Variants in WBP1L observed in about 807,000 individuals in gnomAD.
The protein encoded by WBP1L is WW domain binding protein 1 like.
WBP1L carries 17 observed loss-of-function variants against 33.7 expected under a neutral mutation model. The ratio of observed to expected loss-of-function variants is 0.50; its 90% CI spans 0.34 to 0.76. The LOEUF is 0.76. Ranked by LOEUF, WBP1L falls within the 30% of genes least tolerant of loss-of-function variation. The pLI, the probability that WBP1L is intolerant of heterozygous loss-of-function variation, is 0.01. For missense variants in WBP1L, 389 were observed against 469.4 expected (o/e 0.83, Z 1.58); for synonymous variants, 173 against 190.8 (o/e 0.91, Z 0.77).
At chr10:102,799,548 T>TG (rs1259847973) in intron 2 of WBP1L, among the ~76,000 whole-genome samples, 1 of 152,048 alleles carries the variant, frequency 6.6e-6, no homozygotes, top group East Asian at 1.9e-4. Flanking sequence ...GAGAGGGTGT[T>TG]GGGGGGGTGG....
intron 1 of WBP1L, among the ~76,000 whole-genome samples, chr10:102,754,715 G>T (rs987760462): frequency 6.6e-6 from 1 of 151,392 alleles, no homozygotes; most frequent in Non-Finnish European, 1.5e-5. Context: ...TTTTGTTTTT[G>T]TTTTTTAGCG....
In WBP1L at chr10:102,815,828, C is replaced by T. The variant is rs1290830906; in HGVS notation, c.*2497C>T. On this transcript the variant is annotated 3_prime_UTR_variant, in exon 4 of 4. Transcript: ENST00000448841. ...CTGGGCAAGTGTTAACTGTGGGACT[C>T]ACTGCAGCGTCCTATCCTAAAGGCA... 6.6e-6 allele frequency: 1 copy of T among 152,296 alleles called. No individual in the cohort carries two copies. The highest frequency in any genetic ancestry group is 1.5e-5 in the Non-Finnish European group (1 of 68,032). 9.4% of individuals were successfully genotyped at this position (152,296 alleles called of 1,614,324 possible).
chr10:102,745,616 T>C (rs1256850912), intron 1 of WBP1L, among the ~76,000 whole-genome samples: 2 of 152,230 alleles, frequency 1.3e-5, no homozygotes, highest in Non-Finnish European at 2.9e-5. Context: ...CCCATCCACA[T>C]CGTAGCATGT....
At chr10:102,795,032 T>C (rs1218580705) in intron 1 of WBP1L, among the ~76,000 whole-genome samples, 1 of 152,214 alleles carries the variant, frequency 6.6e-6, no homozygotes, top group Non-Finnish European at 1.5e-5. Flanking sequence ...GGACTAGATA[T>C]ATAGATGGCC....
chr10:102,803,607 CT>C (rs11288742), intron 2 of WBP1L, among the ~76,000 whole-genome samples: 106,909 of 134,702 alleles, frequency 0.79, 42,692 homozygotes, highest in Middle Eastern at 0.9. Flanking sequence ...TTGGGTTTTC[CT>C]TTTTTTTTTT....
chr10:102,769,838 G>A (rs537678473), intron 1 of WBP1L, among the ~76,000 whole-genome samples: 3 of 152,102 alleles, frequency 2.0e-5, no homozygotes, highest in African/African-American at 4.8e-5. Context: ...GTTAAGAACC[G>A]TTTACCTAAC....
chr10:102,772,592 CAG>C (rs1282118912), intron 1 of WBP1L, among the ~76,000 whole-genome samples: 1 of 68,380 alleles, frequency 1.5e-5, no homozygotes, highest in African/African-American at 6.0e-5. Context: ...TTTTTTGAGA[CAG>C]AGTCTCGTTC....
chr10:102,752,348 G>A (rs150179379), intron 1 of WBP1L, among the ~76,000 whole-genome samples: 1 of 152,286 alleles, frequency 6.6e-6, no homozygotes, highest in Non-Finnish European at 1.5e-5. Context: ...GCATTGTGAA[G>A]TGTATGAAAT....
intron 1 of WBP1L, among the ~76,000 whole-genome samples, chr10:102,782,974 G>T (rs909618447): frequency 6.6e-6 from 1 of 152,154 alleles, no homozygotes; most frequent in African/African-American, 2.4e-5. Context: ...CAACTGTGAT[G>T]CACGGTCTCG....
Position 102,782,542 on chromosome 10 carries a change from TTCTTACC to T in WBP1L, c.91-15446_91-15440del, listed in dbSNP as rs1428616680. Among the ~76,000 whole-genome samples, 7 of 152,256 alleles carry T rather than the reference TTCTTACC, an allele frequency of 4.6e-5. No homozygotes were observed. In the South Asian group the frequency reaches 1.0e-3, roughly 23 times the overall value. On this transcript the variant is annotated intron_variant, in intron 1 of 3. Transcript: ENST00000448841. Reference sequence around the variant, plus strand: ...TCCTTAGCACTAGTAAGATACTAGTTTCTTACCTCTTCCTCTCTAGGGCTTCTTGACT... The same window carrying T: ...TCCTTAGCACTAGTAAGATACTAGTTTCTTCCTCTCTAGGGCTTCTTGACT...
intron 1 of WBP1L, among the ~76,000 whole-genome samples, chr10:102,777,561 C>CT (rs35713577): frequency 0.34 from 18,927 of 55,564 alleles, 6,459 homozygotes; most frequent in East Asian, 0.65. Context: ...AAAGGCTGTC[C>CT]TTTTTTTTTT....
chr10:102,751,457 G>A (rs939411843), intron 1 of WBP1L, among the ~76,000 whole-genome samples: 10 of 151,358 alleles, frequency 6.6e-5, no homozygotes, highest in African/African-American at 1.9e-4. Context: ...CTACAGGTGC[G>A]CACCCACACC....
intron 1 of WBP1L, among the ~76,000 whole-genome samples, chr10:102,786,751 C>A (rs1230059251): frequency 1.3e-5 from 2 of 152,198 alleles, no homozygotes; most frequent in Non-Finnish European, 2.9e-5. Context: ...GTCAGTGGAC[C>A]TCTATTGTCC....
chr10:102,794,420 A>G (rs898034189), intron 1 of WBP1L, among the ~76,000 whole-genome samples: 3 of 151,684 alleles, frequency 2.0e-5, no homozygotes, highest in Non-Finnish European at 2.9e-5. Context: ...TGGAGGTTGC[A>G]GTGAGTCAAA....
At chr10:102,772,006 G>T (rs1434534300) in intron 1 of WBP1L, among the ~76,000 whole-genome samples, 3 of 150,942 alleles carry the variant, frequency 2.0e-5, no homozygotes, top group Middle Eastern at 3.4e-3. Flanking sequence ...TGTCGCCCAG[G>T]CTGGAGTGCA....
At chr10:102,758,464 T>C (rs183476227) in intron 1 of WBP1L, among the ~76,000 whole-genome samples, 2 of 152,348 alleles carry the variant, frequency 1.3e-5, no homozygotes, top group African/African-American at 2.4e-5. Flanking sequence ...AATGGAACCA[T>C]ACACCATGTG....
chr10:102,749,889 TGCCTCA>T (rs910760993), intron 1 of WBP1L, among the ~76,000 whole-genome samples: 1 of 151,660 alleles, frequency 6.6e-6, no homozygotes, highest in African/African-American at 2.4e-5. Flanking sequence ...GGGATTCTCA[TGCCTCA>T]GCCTCCCAAA....
intron 1 of WBP1L, among the ~76,000 whole-genome samples, chr10:102,767,728 C>T (rs920934694): frequency 3.3e-5 from 5 of 152,062 alleles, no homozygotes; most frequent in African/African-American, 9.7e-5. Flanking sequence ...AAATCAACTC[C>T]AAGATTGACC....
At chr10:102,762,374 AATTCAGCTAATT>A (rs1564755599) in intron 1 of WBP1L, among the ~76,000 whole-genome samples, 1 of 152,128 alleles carries the variant, frequency 6.6e-6, no homozygotes, top group Non-Finnish European at 1.5e-5. Flanking sequence ...ATTACTACAA[AATTCAGCTAATT>A]ATGACAGTTC....
Sources: gnomAD v4.1 joint callset for allele counts (sites outside exome capture counted in the v4.1 genomes callset) on GRCh38, gnomAD v4.1.1 for gene constraint, MANE v1.5 for transcripts, NCBI Gene and HGNC (gene_info 2026-07-23, HGNC 2026-07-21) for gene names.